RABGAP1L: variants seen among roughly 807,000 people sequenced by gnomAD.
The protein encoded by RABGAP1L is rab GTPase-activating protein 1-like.
A neutral mutation model predicts 137.7 loss-of-function variants in RABGAP1L; 63 were observed. The observed-to-expected ratio is 0.46, with a 90% confidence interval of 0.37 to 0.56. RABGAP1L has a LOEUF of 0.56. Ranked by LOEUF, RABGAP1L falls within the 20% of genes least tolerant of loss-of-function variation. RABGAP1L has a pLI of 0.00. For synonymous variants in RABGAP1L, 431 were observed against 433.7 expected, an observed-to-expected ratio of 0.99 and a Z score of 0.08; for missense variants, 1,095 against 1,244.0, an observed-to-expected ratio of 0.88 and a Z score of 1.80.
At chr1:174,938,439 A>G (rs1368302519) in intron 19 of RABGAP1L, 1 of 152,102 alleles carries the variant, frequency 6.6e-6, no homozygotes, top group Non-Finnish European at 1.5e-5. Context: ...TACTTTTTCC[A>G]CACCCACCAT....
intron 18 of RABGAP1L, among the ~76,000 whole-genome samples, chr1:174,782,019 T>G (rs1687051205): frequency 6.6e-6 from 1 of 152,234 alleles, no homozygotes; most frequent in African/African-American, 2.4e-5. Context: ...AGCTTTGTTC[T>G]TTTGGCTTAG....
chr1:174,265,891 C>G (rs1420600344), intron 7 of RABGAP1L, among the ~76,000 whole-genome samples: 1 of 151,778 alleles, frequency 6.6e-6, no homozygotes, highest in Non-Finnish European at 1.5e-5. Context: ...TATGGCAGTC[C>G]TAAGATCTAT....
intron 17 of RABGAP1L, among the ~76,000 whole-genome samples, chr1:174,719,331 C>G (rs917493242): frequency 6.6e-6 from 1 of 152,054 alleles, no homozygotes; most frequent in African/African-American, 2.4e-5. Context: ...TTACATGTTA[C>G]GTAATATATT....
intron 1 of RABGAP1L, among the ~76,000 whole-genome samples, chr1:174,213,317 C>G (rs964094728): frequency 1.3e-5 from 2 of 152,076 alleles, no homozygotes; most frequent in Non-Finnish European, 2.9e-5. Context: ...CCTAGCTACT[C>G]TGGAGGCTGA....
intron 17 of RABGAP1L, among the ~76,000 whole-genome samples, chr1:174,749,504 T>G (rs1684169679): frequency 6.6e-6 from 1 of 151,994 alleles, no homozygotes; most frequent in African/African-American, 2.4e-5. Flanking sequence ...TAATTTTTTT[T>G]TTACTTTCTT....
chr1:174,825,465 T>C (rs1691471476), intron 19 of RABGAP1L, among the ~76,000 whole-genome samples: 1 of 152,270 alleles, frequency 6.6e-6, no homozygotes. Flanking sequence ...AATTGGTTCC[T>C]GAAGAGGTCA....
At chr1:174,432,554 T>C (rs1307926015) in intron 13 of RABGAP1L, among the ~76,000 whole-genome samples, 2 of 152,224 alleles carry the variant, frequency 1.3e-5, no homozygotes, top group African/African-American at 2.4e-5. Context: ...TTTTTTTCTT[T>C]TTGAGAAGGA....
chr1:174,528,885 A>T (rs1016945748), intron 13 of RABGAP1L, among the ~76,000 whole-genome samples: 1 of 150,542 alleles, frequency 6.6e-6, no homozygotes, highest in Non-Finnish European at 1.5e-5. Flanking sequence ...TGTTTCACTC[A>T]TTCTTTTTTA....
At chr1:174,625,387 CAG>C (rs1182795445) in intron 13 of RABGAP1L, among the ~76,000 whole-genome samples, 1 of 152,074 alleles carries the variant, frequency 6.6e-6, no homozygotes, top group Non-Finnish European at 1.5e-5. Flanking sequence ...ATTCAGCAAA[CAG>C]AAAGCTTAAT....
chr1:174,260,902 A>ATT (rs532869931), intron 7 of RABGAP1L, among the ~76,000 whole-genome samples: 86 of 147,446 alleles, frequency 5.8e-4, no homozygotes, highest in African/African-American at 1.9e-3. Flanking sequence ...TGTCTAGTTG[A>ATT]TTTTTTTTTT....
intron 19 of RABGAP1L, among the ~76,000 whole-genome samples, chr1:174,856,980 GA>G (rs1401989082): frequency 6.6e-6 from 1 of 151,408 alleles, no homozygotes; most frequent in Non-Finnish European, 1.5e-5. Flanking sequence ...ATAAACACAT[GA>G]AAAAAACTTT....
At chr1:174,349,901 GT>G (rs1208065663) in intron 11 of RABGAP1L, among the ~76,000 whole-genome samples, 2 of 135,924 alleles carry the variant, frequency 1.5e-5, no homozygotes, top group Admixed American at 7.2e-5. Flanking sequence ...GGCTGGCCAG[GT>G]GGGGGGCTGA....
At chr1:174,756,903 G>A in intron 18 of RABGAP1L, 1 of 693,848 alleles carries the variant, frequency 1.4e-6, no homozygotes, top group South Asian at 1.4e-5. Context: ...TCCTGGGACT[G>A]CTTGGCATTG....
At chr1:174,456,674 TAAAG>T (rs1656073393) in intron 13 of RABGAP1L, among the ~76,000 whole-genome samples, 1 of 152,134 alleles carries the variant, frequency 6.6e-6, no homozygotes, top group Admixed American at 6.5e-5. Flanking sequence ...ACAGAAAAAT[TAAAG>T]GAACTCAAAT....
chr1:174,394,105 A>C lies in RABGAP1L; in HGVS notation c.1670A>C (p.Asn557Thr). 3 of 1,613,892 alleles carry C rather than the reference A, an allele frequency of 1.9e-6. No homozygotes were observed. Among genetic ancestry groups the C allele is most frequent in the Non-Finnish European group, 2.5e-6 (3 of 1,179,812 alleles). ...CAGTTATTGGCAGGCTGCCATGACA[A>C]CCAGGCAATGCTGGATAGATACCGA... Reference protein sequence around the residue: ...VWQLLAGCHDNQAMLDRYRIL... With the variant: ...VWQLLAGCHDTQAMLDRYRIL... Residue 557 changes from asparagine (N) to threonine (T), a missense_variant, in exon 13 of 26, where the codon AAC becomes ACC. Around this residue, in one of 4 missense-constraint regions of RABGAP1L, gnomAD observed 315 missense variants for 324.8 expected, o/e 0.97. Coordinates refer to ENST00000681986, the MANE Select transcript of RABGAP1L (RefSeq NM_001366446.1).
intron 18 of RABGAP1L, among the ~76,000 whole-genome samples, chr1:174,778,386 G>A (rs1686700038): frequency 6.6e-6 from 1 of 152,178 alleles, no homozygotes; most frequent in Admixed American, 6.6e-5. Context: ...TACTGAAAAT[G>A]TTAAAGGAAG....
intron 18 of RABGAP1L, among the ~76,000 whole-genome samples, chr1:174,799,269 G>A (rs1688517574): frequency 6.6e-6 from 1 of 152,168 alleles, no homozygotes; most frequent in Non-Finnish European, 1.5e-5. Context: ...ATTGCAAAGA[G>A]TCATTATTAT....
intron 19 of RABGAP1L, among the ~76,000 whole-genome samples, chr1:174,813,503 T>C (rs989424): frequency 6.6e-6 from 1 of 152,010 alleles, no homozygotes; most frequent in African/African-American, 2.4e-5. Flanking sequence ...TAACACAATC[T>C]TTTTAAATTT....
At chr1:174,636,930 T>C (rs1344953983) in intron 13 of RABGAP1L, among the ~76,000 whole-genome samples, 1 of 152,192 alleles carries the variant, frequency 6.6e-6, no homozygotes, top group Non-Finnish European at 1.5e-5. Context: ...AAGATGGTCA[T>C]TAATAGGAGA....
Sources: allele counts gnomAD v4.1 joint callset (sites outside exome capture counted in the v4.1 genomes callset), GRCh38; gene constraint gnomAD v4.1.1; regional missense constraint gnomAD v4.1.1; transcripts MANE v1.5; gene names NCBI Gene and HGNC (gene_info 2026-07-23, HGNC 2026-07-21).